Variants in ATL2 observed in about 807,000 individuals in gnomAD.
The protein encoded by ATL2 is atlastin GTPase 2, also known as atlastin-2.
In ATL2, 31 loss-of-function variants were observed where a neutral mutation model predicts 73.9. The ratio of observed to expected loss-of-function variants is 0.42; its 90% confidence interval spans 0.32 to 0.57. The LOEUF is 0.57. Ranked by LOEUF, ATL2 falls within the 20% of genes least tolerant of loss-of-function variation. The pLI is 0.14. For synonymous variants in ATL2, 291 were observed against 237.5 expected, an observed-to-expected ratio of 1.23 and a Z score of -2.07; for missense variants, 738 against 702.6, an observed-to-expected ratio of 1.05 and a Z score of -0.57.
chr2:38,343,369 G>T lies in ATL2; in HGVS notation c.262C>A (p.His88Asn), dbSNP rs1488251472. The change falls in exon 2 of 13, where the codon CAC becomes AAC. Residue 88 changes from histidine (H) to asparagine (N), a missense_variant. Transcript: ENST00000378954. ...ACTACTATGTTAAGATCTCGTATGT[G>T]CTCCTGTAGCAATATCTGCTCCAAA... ...EALEQILLQE[H>N]IRDLNIVVVS... 1 of 1,610,962 alleles carries T rather than the reference G, an allele frequency of 6.2e-7. No homozygotes were observed. The highest frequency in any genetic ancestry group is 1.4e-5 in the African/African-American group (1 of 73,948).
intron 2 of ATL2, among the ~76,000 whole-genome samples, chr2:38,325,900 TTTGTTTAAAAAAAAAAAA>T: frequency 1.7e-5 from 1 of 57,976 alleles, no homozygotes; most frequent in South Asian, 6.5e-4. Context: ...TGTTTGTTTG[TTTGTTTAAAAAAAAAAAA>T]AAAAAAAAAA....
intron 9 of ATL2, among the ~76,000 whole-genome samples, chr2:38,300,977 T>C (rs535100142): frequency 6.7e-6 from 1 of 149,634 alleles, no homozygotes; most frequent in Admixed American, 6.6e-5. Context: ...TCAACTTTCT[T>C]TTTTTTTTTT....
intron 2 of ATL2, among the ~76,000 whole-genome samples, chr2:38,333,878 T>C (rs186155992): frequency 6.6e-6 from 1 of 152,184 alleles, no homozygotes; most frequent in African/African-American, 2.4e-5. Flanking sequence ...TAACATTTGA[T>C]GAAGCTTTTC....
At chr2:38,361,986 T>C (rs956753373) in intron 1 of ATL2, among the ~76,000 whole-genome samples, 9 of 152,220 alleles carry the variant, frequency 5.9e-5, no homozygotes, top group East Asian at 1.9e-4. Context: ...TTCGATGTTA[T>C]AGGATAATTC....
intron 1 of ATL2, among the ~76,000 whole-genome samples, chr2:38,367,747 C>G (rs1452705325): frequency 2.7e-5 from 4 of 150,754 alleles, no homozygotes; most frequent in African/African-American, 9.8e-5. Flanking sequence ...ATTCTCCAGC[C>G]TCAGCCTCTG....
At chr2:38,351,775 G>C (rs1420628207) in intron 1 of ATL2, among the ~76,000 whole-genome samples, 1 of 151,562 alleles carries the variant, frequency 6.6e-6, no homozygotes, top group South Asian at 2.1e-4. Context: ...TTACAGGCGT[G>C]AGCCACCTCA....
At chr2:38,375,140 A>T (rs1671890884) in intron 1 of ATL2, among the ~76,000 whole-genome samples, 1 of 152,154 alleles carries the variant, frequency 6.6e-6, no homozygotes, top group Non-Finnish European at 1.5e-5. Flanking sequence ...CCTAACACTA[A>T]ACTACTCAAG....
intron 9 of ATL2, among the ~76,000 whole-genome samples, chr2:38,305,392 A>G (rs1461684445): frequency 1.3e-5 from 2 of 152,126 alleles, no homozygotes; most frequent in Admixed American, 6.5e-5. Context: ...TACTAAAAAT[A>G]CAAAAAATTA....
At chr2:38,352,876 C>T (rs2124441722) in intron 1 of ATL2, among the ~76,000 whole-genome samples, 1 of 152,230 alleles carries the variant, frequency 6.6e-6, no homozygotes, top group Non-Finnish European at 1.5e-5. Flanking sequence ...AAATTTAGTC[C>T]CACTAAGTTA....
At chr2:38,317,779 A>G (rs1040195822) in intron 4 of ATL2, among the ~76,000 whole-genome samples, 3 of 147,726 alleles carry the variant, frequency 2.0e-5, no homozygotes, top group South Asian at 2.2e-4. Context: ...TCAATTACAG[A>G]TAACATGTGA....
At chr2:38,334,902 T>TATATTATAATATATAAATATATTTATATA (rs370256885) in intron 2 of ATL2, among the ~76,000 whole-genome samples, 4 of 65,320 alleles carry the variant, frequency 6.1e-5, no homozygotes, top group Non-Finnish European at 1.3e-4. Context: ...ATATATATTA[T>TATATTATAATATATAAATATATTTATATA]TTATAATATA....
intron 1 of ATL2, among the ~76,000 whole-genome samples, chr2:38,344,418 T>A (rs1254840285): frequency 1.3e-5 from 2 of 152,192 alleles, no homozygotes; most frequent in Non-Finnish European, 2.9e-5. Context: ...AAGACCAGCC[T>A]GACCAACATG....
In ATL2 at chr2:38,320,344, G is replaced by C. The variant is rs114468788; in HGVS notation, c.364-1325C>G. ...TCTATTAGATACTCAAGTATCTGCA[G>C]TGAAAGGATATGCCTGGCATTTGCT... On this transcript the variant is annotated intron_variant, in intron 2 of 12. Coordinates refer to ENST00000378954, the MANE Select transcript of ATL2 (RefSeq NM_001135673.4). Among the ~76,000 whole-genome samples, 1,367 of 152,270 alleles carry C rather than the reference G, an allele frequency of 9.0e-3. 21 individuals carry two copies. Among genetic ancestry groups the C allele is most frequent in the African/African-American group, 0.029 (1,216 of 41,554 alleles).
intron 1 of ATL2, among the ~76,000 whole-genome samples, chr2:38,366,050 A>G (rs1182900799): frequency 6.6e-6 from 1 of 151,960 alleles, no homozygotes; most frequent in Admixed American, 6.6e-5. Flanking sequence ...TGGTGCCAAA[A>G]GGAGACAAAT....
At chr2:38,315,660 A>G (rs943080448) in intron 4 of ATL2, among the ~76,000 whole-genome samples, 7 of 152,112 alleles carry the variant, frequency 4.6e-5, no homozygotes, top group African/African-American at 1.7e-4. Flanking sequence ...TAATGTTAAG[A>G]TACGATCATT....
intron 9 of ATL2, among the ~76,000 whole-genome samples, chr2:38,305,937 T>C (rs937621222): frequency 1.3e-5 from 2 of 150,988 alleles, no homozygotes; most frequent in South Asian, 2.1e-4. Context: ...ATAAAAACAA[T>C]ACAAAAGATC....
At chr2:38,353,785 G>A (rs1052798400) in intron 1 of ATL2, among the ~76,000 whole-genome samples, 6 of 152,198 alleles carry the variant, frequency 3.9e-5, no homozygotes, top group African/African-American at 1.4e-4. Flanking sequence ...AAGCACTGGA[G>A]GCCAGAAGAC....
chr2:38,356,921 T>C (rs1235211434), intron 1 of ATL2, among the ~76,000 whole-genome samples: 2 of 152,176 alleles, frequency 1.3e-5, no homozygotes, highest in African/African-American at 4.8e-5. Context: ...CTACACTAAA[T>C]CAGATGTTTA....
At chr2:38,335,826 G>T (rs980054378) in intron 2 of ATL2, among the ~76,000 whole-genome samples, 2 of 152,176 alleles carry the variant, frequency 1.3e-5, no homozygotes, top group Non-Finnish European at 2.9e-5. Context: ...CAGACAATGA[G>T]GTCAGGAGAT....
Sources: gnomAD v4.1 joint callset for allele counts (sites outside exome capture counted in the v4.1 genomes callset) on GRCh38, gnomAD v4.1.1 for gene constraint, MANE v1.5 for transcripts, NCBI Gene and HGNC (gene_info 2026-07-23, HGNC 2026-07-21) for gene names.